Variants in PRKCE observed in about 807,000 individuals in gnomAD.
PRKCE encodes protein kinase C epsilon type.
Under a neutral mutation model 85.4 loss-of-function variants are expected in PRKCE, and 16 were observed. The ratio of observed to expected loss-of-function variants is 0.19; its 90% CI spans 0.13 to 0.28. The LOEUF (loss-of-function observed/expected upper bound fraction) is 0.28. Ranked by LOEUF, PRKCE falls within the 10% of genes least tolerant of loss-of-function variation. The pLI is 1.00. For missense variants in PRKCE, 573 were observed against 975.2 expected (o/e 0.59, Z 5.49); for synonymous variants, 388 against 371.5 (o/e 1.04, Z -0.51).
At chr2:45,732,831 GT>G (rs1681697872) in intron 1 of PRKCE, among the ~76,000 whole-genome samples, 1 of 152,180 alleles carries the variant, frequency 6.6e-6, no homozygotes, top group Non-Finnish European at 1.5e-5. Context: ...TGAGTGAACT[GT>G]TTTCTGAGTT....
intron 1 of PRKCE, among the ~76,000 whole-genome samples, chr2:45,741,723 G>C (rs1682592679): frequency 1.4e-5 from 2 of 147,702 alleles, no homozygotes; most frequent in Non-Finnish European, 2.9e-5. Flanking sequence ...AAGGTTCAAG[G>C]GGTGGTGCAA....
chr2:46,112,538 CAG>C (rs1369664907), intron 11 of PRKCE, among the ~76,000 whole-genome samples: 1 of 151,058 alleles, frequency 6.6e-6, no homozygotes, highest in East Asian at 1.9e-4. Flanking sequence ...TTTTGAGAGA[CAG>C]AGTCTCACCT....
intron 1 of PRKCE, among the ~76,000 whole-genome samples, chr2:45,806,061 G>A (rs1688219463): frequency 1.3e-5 from 2 of 152,176 alleles, no homozygotes; most frequent in Admixed American, 1.3e-4. Context: ...CTTGCTGAAT[G>A]AGCTCCAGGA....
intron 10 of PRKCE, among the ~76,000 whole-genome samples, chr2:46,038,822 C>G (rs988400354): frequency 2.6e-5 from 4 of 152,136 alleles, no homozygotes. Context: ...AGAGGAATGA[C>G]AGAAGATTTA....
At chr2:45,916,251 T>C (rs1697766890) in intron 2 of PRKCE, among the ~76,000 whole-genome samples, 1 of 151,856 alleles carries the variant, frequency 6.6e-6, no homozygotes, top group African/African-American at 2.4e-5. Flanking sequence ...TTTTTTTTTT[T>C]TTTTTTTAGA....
intron 10 of PRKCE, among the ~76,000 whole-genome samples, chr2:46,020,369 T>G (rs1351931462): frequency 6.6e-6 from 1 of 152,224 alleles, no homozygotes; most frequent in African/African-American, 2.4e-5. Flanking sequence ...TGAAAACAGT[T>G]TAAAACCACT....
intron 4 of PRKCE, among the ~76,000 whole-genome samples, chr2:45,979,892 C>A (rs148793698): frequency 2.0e-5 from 3 of 152,214 alleles, no homozygotes; most frequent in Non-Finnish European, 2.9e-5. Context: ...CTGCAGTTCC[C>A]CCTATCACGT....
chr2:46,111,796 A>C (rs189380616), intron 11 of PRKCE, among the ~76,000 whole-genome samples: 8 of 152,308 alleles, frequency 5.3e-5, no homozygotes, highest in African/African-American at 1.9e-4. Flanking sequence ...TTTTGAGAAG[A>C]CTGATGTCTT....
chr2:45,836,346 G>GTA (rs1475070903), intron 1 of PRKCE, among the ~76,000 whole-genome samples: 1 of 152,204 alleles, frequency 6.6e-6, no homozygotes, highest in Non-Finnish European at 1.5e-5. Flanking sequence ...GATTACATGT[G>GTA]TACTCTCTGC....
chr2:45,658,887 C>T (rs1292824077), intron 1 of PRKCE, among the ~76,000 whole-genome samples: 1 of 152,142 alleles, frequency 6.6e-6, no homozygotes, highest in Non-Finnish European at 1.5e-5. Context: ...AATAGAATTA[C>T]TTGAAATGAG....
At chr2:46,083,441 A>AT (rs1027965931) in intron 10 of PRKCE, among the ~76,000 whole-genome samples, 15 of 152,120 alleles carry the variant, frequency 9.9e-5, no homozygotes, top group Admixed American at 3.3e-4. Flanking sequence ...GGGAGGGGAG[A>AT]TTTTTTCCCC....
At chr2:45,677,996 G>A in intron 1 of PRKCE, 1 of 726,200 alleles carries the variant, frequency 1.4e-6, no homozygotes. Context: ...ACATGGAGCT[G>A]AGGAACCTTT....
At chr2:45,958,301 G>T (rs1439412389) in intron 2 of PRKCE, among the ~76,000 whole-genome samples, 1 of 151,116 alleles carries the variant, frequency 6.6e-6, no homozygotes, top group African/African-American at 2.4e-5. Context: ...CGAGGTCAGG[G>T]GTTCGAGACC....
At chr2:45,892,777 C>T (rs1285296707) in intron 2 of PRKCE, among the ~76,000 whole-genome samples, 1 of 152,168 alleles carries the variant, frequency 6.6e-6, no homozygotes, top group Non-Finnish European at 1.5e-5. Context: ...TATGGATTTA[C>T]CCGACACACA....
At chr2:45,897,073 A>G (rs923209258) in intron 2 of PRKCE, among the ~76,000 whole-genome samples, 3 of 152,208 alleles carry the variant, frequency 2.0e-5, no homozygotes, top group Admixed American at 1.3e-4. Flanking sequence ...ACAAGATCTT[A>G]TCTCTTAAAA....
intron 2 of PRKCE, among the ~76,000 whole-genome samples, chr2:45,938,805 C>G (rs908505150): frequency 6.6e-6 from 1 of 152,218 alleles, no homozygotes; most frequent in African/African-American, 2.4e-5. Flanking sequence ...CACTCATCTA[C>G]AGTTCTCTCA....
intron 2 of PRKCE, among the ~76,000 whole-genome samples, chr2:45,950,144 T>C (rs1700526829): frequency 6.6e-6 from 1 of 152,238 alleles, no homozygotes. Context: ...TTAGAAAATA[T>C]GTCTCTAATT....
At chr2:45,953,350 G>A (rs1435613798) in intron 2 of PRKCE, among the ~76,000 whole-genome samples, 1 of 152,204 alleles carries the variant, frequency 6.6e-6, no homozygotes, top group Non-Finnish European at 1.5e-5. Context: ...TCAGAGCCAA[G>A]ACGATTCTCC....
intron 1 of PRKCE, among the ~76,000 whole-genome samples, chr2:45,694,349 T>G (rs1362131658): frequency 6.6e-6 from 1 of 152,004 alleles, no homozygotes; most frequent in Admixed American, 6.6e-5. Flanking sequence ...GATCTGAATT[T>G]TTGGATCTGG....
Sources: gnomAD v4.1 joint callset for allele counts (sites outside exome capture counted in the v4.1 genomes callset) on GRCh38, gnomAD v4.1.1 for gene constraint, MANE v1.5 for transcripts, NCBI Gene and HGNC (gene_info 2026-07-23, HGNC 2026-07-21) for gene names.